DPP6: variants seen among roughly 807,000 people sequenced by gnomAD.
DPP6 encodes A-type potassium channel modulatory protein DPP6.
DPP6 carries 69 observed loss-of-function variants against 122.6 expected under a neutral mutation model. That is an observed-to-expected ratio of 0.56 (90% CI 0.46 to 0.69). The LOEUF is 0.69. Among genes scored for constraint, DPP6 ranks in the 30% least tolerant of loss-of-function variants. The pLI, the probability that DPP6 is intolerant of heterozygous loss-of-function variation, is 0.00. For missense variants in DPP6, 928 were observed against 1,116.9 expected, an observed-to-expected ratio of 0.83 and a Z score of 2.41; for synonymous variants, 418 against 433.1, an observed-to-expected ratio of 0.97 and a Z score of 0.43.
the DPP6 span, among the ~76,000 whole-genome samples, chr7:153,790,916 T>A: frequency 2.0e-5 from 3 of 152,146 alleles, no homozygotes; most frequent in Non-Finnish European, 4.4e-5. Context: ...GGTGAACAAA[T>A]CCTTGAGTTC....
the DPP6 span, among the ~76,000 whole-genome samples, chr7:153,871,808 T>G: frequency 2.0e-5 from 3 of 152,164 alleles, no homozygotes; most frequent in East Asian, 3.9e-4. Context: ...CCAAAAATAG[T>G]GTATTTTAGA....
At chr7:154,484,729 A>G (rs1823638260) in intron 3 of DPP6, among the ~76,000 whole-genome samples, 1 of 152,234 alleles carries the variant, frequency 6.6e-6, no homozygotes. Flanking sequence ...TCATTAATCC[A>G]GCCACTTGTT....
intron 6 of DPP6, among the ~76,000 whole-genome samples, chr7:154,663,412 T>G (rs1259259930): frequency 2.1e-5 from 1 of 47,014 alleles, no homozygotes; most frequent in African/African-American, 4.1e-5. Context: ...CATATAGTCA[T>G]GATGAATCAC....
Position 154,165,005 on chromosome 7 carries a change from GT to G in DPP6, c.243+111950del, listed in dbSNP as rs199879410. 4.2e-3 allele frequency among the ~76,000 whole-genome samples: 623 copies of G among 147,682 alleles called. 4 individuals carry two copies. The highest frequency in any genetic ancestry group is 0.016 in the African/African-American group (594 of 37,440). On this transcript the variant is annotated intron_variant, in intron 1 of 25. Transcript: ENST00000377770. ...TAGCCATTTTGTACTTTTTTTTAAA[GT>G]TTTTTTTCTTTTATTATACTTTAAG...
chr7:153,951,649 T>C (rs1423098534), intron 1 of DPP6, among the ~76,000 whole-genome samples: 6 of 152,166 alleles, frequency 3.9e-5, no homozygotes, highest in African/African-American at 1.2e-4. Flanking sequence ...GATTATTTTA[T>C]TTTATTTTAT....
chr7:153,895,240 A>G (rs1014327784), intron 1 of DPP6, among the ~76,000 whole-genome samples: 45 of 152,324 alleles, frequency 3.0e-4, no homozygotes, highest in African/African-American at 1.0e-3. Flanking sequence ...AGTAGAAACA[A>G]GGAGGGTGAT....
At chr7:154,856,182 A>G (rs1398088880) in intron 17 of DPP6, among the ~76,000 whole-genome samples, 1 of 152,280 alleles carries the variant, frequency 6.6e-6, no homozygotes, top group Non-Finnish European at 1.5e-5. Context: ...ATGATATAGC[A>G]TATGGCTCTT....
intron 17 of DPP6, among the ~76,000 whole-genome samples, chr7:154,854,883 C>G (rs1199341784): frequency 5.3e-5 from 8 of 152,196 alleles, no homozygotes; most frequent in African/African-American, 1.9e-4. Context: ...CCCAAAGCAG[C>G]CTGTGTCCTC....
chr7:154,362,912 G>A lies in DPP6; in HGVS notation c.244-83302G>A, dbSNP rs180968417. On this transcript the variant is annotated intron_variant, in intron 1 of 25. Transcript: ENST00000377770. ...AGCTTGTTTGGAGTGGAGACTCTTC[G>A]TCCCTGCACCAACCATCACTGCAGT... is the stretch of plus-strand genomic sequence containing the variant. Among the ~76,000 whole-genome samples the A allele has an allele frequency of 1.5e-3, 229 of 152,304 alleles. 3 individuals are homozygous for A. The highest frequency in any genetic ancestry group is 8.4e-3 in the Admixed American group (129 of 15,304).
chr7:154,529,598 G>C (rs1827679795), intron 3 of DPP6, among the ~76,000 whole-genome samples: 1 of 152,162 alleles, frequency 6.6e-6, no homozygotes, highest in Admixed American at 6.5e-5. Context: ...CAGATTTCTG[G>C]AACTGACAAA....
At chr7:154,478,736 T>C (rs1822973877) in intron 3 of DPP6, among the ~76,000 whole-genome samples, 2 of 152,200 alleles carry the variant, frequency 1.3e-5, no homozygotes, top group African/African-American at 4.8e-5. Flanking sequence ...TGGATAAAAT[T>C]CAGGTCTCCT....
intron 1 of DPP6, among the ~76,000 whole-genome samples, chr7:154,199,158 A>G (rs6961280): frequency 0.82 from 124,049 of 151,848 alleles, 50,877 homozygotes; most frequent in Non-Finnish European, 0.85. Flanking sequence ...CCCTAATTGC[A>G]AGTCGTCAGG....
chr7:153,956,096 C>T (rs552798512), intron 1 of DPP6, among the ~76,000 whole-genome samples: 2 of 152,314 alleles, frequency 1.3e-5, no homozygotes, highest in East Asian at 3.9e-4. Flanking sequence ...ACCAAGAGTC[C>T]TGTGACCGAG....
chr7:154,058,132 C>G (rs1453842303), intron 1 of DPP6: 2 of 147,224 alleles, frequency 1.4e-5, no homozygotes, highest in Non-Finnish European at 3.0e-5. Context: ...CCCTCTTCCC[C>G]CCCCTGGCTC....
chr7:154,081,900 GTTTAC>G (rs1183578969), intron 1 of DPP6, among the ~76,000 whole-genome samples: 1 of 152,152 alleles, frequency 6.6e-6, no homozygotes, highest in Non-Finnish European at 1.5e-5. Context: ...GAAAATGGAT[GTTTAC>G]TTTAAGGTCA....
intron 1 of DPP6, among the ~76,000 whole-genome samples, chr7:154,295,530 CACTT>C (rs1264524687): frequency 6.6e-6 from 1 of 152,168 alleles, no homozygotes; most frequent in Non-Finnish European, 1.5e-5. Context: ...TCTCTGCCCT[CACTT>C]ACAGGTGAGG....
intron 10 of DPP6, among the ~76,000 whole-genome samples, chr7:154,787,541 C>A (rs1043470446): frequency 6.6e-6 from 1 of 152,310 alleles, no homozygotes. Flanking sequence ...AATCCCCTGT[C>A]CCTATGCTTC....
intron 16 of DPP6, among the ~76,000 whole-genome samples, chr7:154,844,641 G>A (rs936370968): frequency 3.3e-5 from 5 of 152,182 alleles, no homozygotes; most frequent in African/African-American, 1.2e-4. Context: ...ACAGTAGTGG[G>A]CATGCATCCC....
At chr7:153,910,815 C>T (rs1036397665) in intron 1 of DPP6, among the ~76,000 whole-genome samples, 6 of 152,144 alleles carry the variant, frequency 3.9e-5, no homozygotes, top group Non-Finnish European at 1.5e-5. Flanking sequence ...AGCTCACAGC[C>T]AATCCCCACA....
Sources: gnomAD v4.1 joint callset for allele counts (sites outside exome capture counted in the v4.1 genomes callset) on GRCh38, gnomAD v4.1.1 for gene constraint, MANE v1.5 for transcripts, NCBI Gene and HGNC (gene_info 2026-07-23, HGNC 2026-07-21) for gene names.